Variants in AUH observed in about 807,000 individuals in gnomAD.
The protein encoded by AUH is AU RNA binding methylglutaconyl-CoA hydratase.
A neutral mutation model predicts 42.3 loss-of-function variants in AUH; 29 were observed. The ratio of observed to expected loss-of-function variants is 0.69; its 90% confidence interval spans 0.51 to 0.93. The LOEUF is 0.93. Among genes scored for constraint, AUH ranks in the 40% least tolerant of loss-of-function variants. The probability of loss-of-function intolerance (pLI) is 0.00; values close to 1 mark genes in which losing one functional copy is unlikely to be tolerated. For missense variants in AUH, 452 were observed against 438.1 expected (o/e 1.03, Z -0.28); for synonymous variants, 174 against 166.4 (o/e 1.05, Z -0.35).
At chr9:91,228,342 G>A (rs1430068556) in intron 6 of AUH, among the ~76,000 whole-genome samples, 1 of 151,866 alleles carries the variant, frequency 6.6e-6, no homozygotes, top group Non-Finnish European at 1.5e-5. Flanking sequence ...TATTTGCATA[G>A]AGGTGTTTGT....
chr9:91,331,455 C>A (rs1254238400), intron 3 of AUH, among the ~76,000 whole-genome samples: 1 of 152,084 alleles, frequency 6.6e-6, no homozygotes, highest in Non-Finnish European at 1.5e-5. Flanking sequence ...AATTTAATAC[C>A]TGGTTCTCAG....
At chr9:91,238,686 C>A (rs1279789816) in intron 6 of AUH, among the ~76,000 whole-genome samples, 2 of 152,176 alleles carry the variant, frequency 1.3e-5, no homozygotes, top group Non-Finnish European at 2.9e-5. Context: ...GAGAAGACAT[C>A]AAGAATTTTT....
chr9:91,346,456 C>A (rs1831517324), intron 3 of AUH, among the ~76,000 whole-genome samples: 1 of 152,148 alleles, frequency 6.6e-6, no homozygotes, highest in South Asian at 2.1e-4. Flanking sequence ...TAACTTTGCT[C>A]TAAGTACCTC....
At chr9:91,352,939 T>C (rs2132059572) in intron 3 of AUH, among the ~76,000 whole-genome samples, 1 of 152,246 alleles carries the variant, frequency 6.6e-6, no homozygotes, top group African/African-American at 2.4e-5. Flanking sequence ...TTTAAATATT[T>C]AGAAATGAGC....
chr9:91,245,716 G>A lies in AUH; in HGVS notation c.656-24724C>T, dbSNP rs188454773. On this transcript the variant is annotated intron_variant, in intron 6 of 9. Coordinates refer to ENST00000375731, the MANE Select transcript of AUH (RefSeq NM_001698.3). ...CATTCAATCCTTCCACCTACCCCAG[G>A]ATGTAGGGACTATCATCTTCCTCCA... is the stretch of plus-strand genomic sequence containing the variant. 1.3e-4 allele frequency among the ~76,000 whole-genome samples: 20 copies of A among 152,242 alleles called. 1 individual carries two copies. The highest frequency in any genetic ancestry group is 9.8e-4 in the Admixed American group (15 of 15,288).
chr9:91,284,003 A>G (rs1296490983), intron 6 of AUH, among the ~76,000 whole-genome samples: 1 of 151,948 alleles, frequency 6.6e-6, no homozygotes, highest in African/African-American at 2.4e-5. Context: ...CCGCATTGCC[A>G]AGACAATCCT....
At chr9:91,331,448 T>G (rs562042676) in intron 3 of AUH, among the ~76,000 whole-genome samples, 1 of 152,338 alleles carries the variant, frequency 6.6e-6, no homozygotes, top group East Asian at 1.9e-4. Flanking sequence ...ATCTAATAAT[T>G]TAATACCTGG....
chr9:91,309,570 A>T (rs1010369494), intron 4 of AUH, among the ~76,000 whole-genome samples: 2 of 152,194 alleles, frequency 1.3e-5, no homozygotes, highest in African/African-American at 4.8e-5. Context: ...TAGAAAATCA[A>T]ATACTGCCAT....
At chr9:91,237,686 C>T (rs1828269709) in intron 6 of AUH, among the ~76,000 whole-genome samples, 1 of 150,246 alleles carries the variant, frequency 6.7e-6, no homozygotes, top group South Asian at 2.2e-4. Flanking sequence ...CCATCTTTGA[C>T]CAGTGAGGAC....
chr9:91,339,627 C>G (rs1202459721), intron 3 of AUH, among the ~76,000 whole-genome samples: 6 of 152,148 alleles, frequency 3.9e-5, no homozygotes, highest in African/African-American at 1.4e-4. Context: ...TCTTGAGAAG[C>G]AAAGACACCC....
At chr9:91,330,830 T>C (rs929990588) in intron 3 of AUH, among the ~76,000 whole-genome samples, 4 of 152,212 alleles carry the variant, frequency 2.6e-5, no homozygotes, top group Admixed American at 6.5e-5. Flanking sequence ...TACATAAAGT[T>C]TGAAAATAGG....
chr9:91,233,337 C>G (rs1434769910), intron 6 of AUH, among the ~76,000 whole-genome samples: 1 of 152,122 alleles, frequency 6.6e-6, no homozygotes, highest in Non-Finnish European at 1.5e-5. Flanking sequence ...GGAATTGCAA[C>G]TGATTCACTT....
intron 6 of AUH, among the ~76,000 whole-genome samples, chr9:91,291,326 G>T (rs1389009885): frequency 6.6e-6 from 1 of 152,080 alleles, no homozygotes; most frequent in Non-Finnish European, 1.5e-5. Context: ...TGGGGGTGGA[G>T]GCGGCATGCC....
intron 6 of AUH, among the ~76,000 whole-genome samples, chr9:91,232,421 T>C (rs1827940469): frequency 6.6e-6 from 1 of 152,118 alleles, no homozygotes; most frequent in South Asian, 2.1e-4. Flanking sequence ...CCCATAAATA[T>C]ACAATTATTT....
intron 6 of AUH, among the ~76,000 whole-genome samples, chr9:91,293,273 T>G (rs1193292460): frequency 6.6e-6 from 1 of 152,212 alleles, no homozygotes; most frequent in African/African-American, 2.4e-5. Flanking sequence ...TAGAAATGAT[T>G]AAGCTTAGTG....
chr9:91,264,629 T>C (rs990507250), intron 6 of AUH, among the ~76,000 whole-genome samples: 1 of 152,136 alleles, frequency 6.6e-6, no homozygotes, highest in Non-Finnish European at 1.5e-5. Context: ...ATAAATGTAT[T>C]TGGGAGGCTG....
At chr9:91,240,570 G>A (rs1267041764) in intron 6 of AUH, among the ~76,000 whole-genome samples, 1 of 152,104 alleles carries the variant, frequency 6.6e-6, no homozygotes, top group Admixed American at 6.6e-5. Flanking sequence ...GGTGGAAAGG[G>A]TTTGTGTTTG....
Position 91,269,375 on chromosome 9 carries a change from G to A in AUH, c.655+26646C>T, listed in dbSNP as rs111485013. On this transcript the variant is annotated intron_variant, in intron 6 of 9. Transcript: ENST00000375731. ...CACAGAAACACTTACGTGTCTGGAA[G>A]GCCTACAGTGAAAATATGATAGAGA... 3.1e-3 allele frequency among the ~76,000 whole-genome samples: 465 copies of A among 152,288 alleles called. 5 individuals carry two copies. The highest frequency in any genetic ancestry group is 0.01 in the African/African-American group (430 of 41,552).
At chr9:91,220,160 G>A (rs9785224) in intron 7 of AUH, among the ~76,000 whole-genome samples, 17,382 of 152,210 alleles carry the variant, frequency 0.11, 1,121 homozygotes, top group East Asian at 0.32. Context: ...ATTGCTTAAA[G>A]CAGGACTGTC....
Sources: gnomAD v4.1 joint callset for allele counts (sites outside exome capture counted in the v4.1 genomes callset) on GRCh38, gnomAD v4.1.1 for gene constraint, MANE v1.5 for transcripts, NCBI Gene and HGNC (gene_info 2026-07-23, HGNC 2026-07-21) for gene names.